TBC1D32: variants seen among roughly 807,000 people sequenced by gnomAD.
The protein encoded by TBC1D32 is TBC1 domain family member 32.
In TBC1D32, 151 loss-of-function variants were observed where a neutral mutation model predicts 170.3. The observed-to-expected ratio is 0.89, with a 90% CI of 0.78 to 1.01. TBC1D32 has a LOEUF of 1.01. TBC1D32 is among the 50% of genes least tolerant of loss of function. TBC1D32 has a pLI of 0.00. For missense variants in TBC1D32, 1,464 were observed against 1,457.1 expected, an observed-to-expected ratio of 1.00 and a Z score of -0.08; for synonymous variants, 498 against 488.0, an observed-to-expected ratio of 1.02 and a Z score of -0.27.
intron 11 of TBC1D32, among the ~76,000 whole-genome samples, chr6:121,292,921 G>T (rs1437860630): frequency 6.6e-6 from 1 of 152,122 alleles, no homozygotes; most frequent in Non-Finnish European, 1.5e-5. Context: ...GTTACGGAAC[G>T]CTGAAGAAAG....
intron 21 of TBC1D32, among the ~76,000 whole-genome samples, chr6:121,221,081 G>C (rs551619737): frequency 2.0e-4 from 31 of 152,328 alleles, no homozygotes; most frequent in East Asian, 1.5e-3. Flanking sequence ...AGCTAATGCA[G>C]ATGGTGACTT....
intron 21 of TBC1D32, among the ~76,000 whole-genome samples, chr6:121,222,947 G>A (rs1794682885): frequency 6.6e-6 from 1 of 152,112 alleles, no homozygotes; most frequent in South Asian, 2.1e-4. Context: ...AATGTAATGA[G>A]TCATCTAAAA....
In TBC1D32 at chr6:121,080,458, C is replaced by T; in HGVS notation, c.*313G>A. On this transcript the variant is annotated 3_prime_UTR_variant, in exon 32 of 32. Coordinates refer to ENST00000398212, the MANE Select transcript of TBC1D32 (RefSeq NM_152730.6). ...CTCGATCTCTTGACCTCGTGATCCG[C>T]CCACCTCAGACTCCCAAAGTGCTGG... 4.1e-6 allele frequency: 1 copy of T among 245,306 alleles called. No individual in the cohort carries two copies. Among genetic ancestry groups the T allele is most frequent in the South Asian group, 4.5e-5 (1 of 22,028 alleles). The allele number at this position is 245,306 out of a possible 1,614,324, so 15.2% of individuals were successfully genotyped here. A position where few individuals can be genotyped will look rare whatever the true frequency, so the allele number is the denominator to read the frequency against.
At chr6:121,233,367 T>C (rs146658774) in intron 20 of TBC1D32, among the ~76,000 whole-genome samples, 225 of 152,274 alleles carry the variant, frequency 1.5e-3, no homozygotes, top group African/African-American at 5.2e-3. Context: ...CTACTAGTAA[T>C]TGCTTTATAA....
At chr6:121,172,173 C>T (rs975308596) in intron 22 of TBC1D32, among the ~76,000 whole-genome samples, 6 of 152,082 alleles carry the variant, frequency 3.9e-5, no homozygotes, top group African/African-American at 1.2e-4. Context: ...ATGAGGCCTC[C>T]CCAGCCACGT....
In TBC1D32 at chr6:121,126,461, G is replaced by C. The variant is rs1000698328; in HGVS notation, c.2900C>G (p.Ala967Gly). The C allele has an allele frequency of 1.2e-6, 2 of 1,604,922 alleles. No individual in the cohort carries two copies. The highest frequency in any genetic ancestry group is 2.7e-5 in the African/African-American group (2 of 74,606). ...AAATTTTTCAAGTAATTCTATTAAG[G>C]CTGTAATAAACAAAGGAATAATTAG... ...KAKPDIISGE[A>G]LIELLEKFVL... Residue 967 changes from alanine to glycine, a missense_variant and splice_region_variant, in exon 26 of 32, where the codon GCC becomes GGC. By Grantham distance (60) the Ala-to-Gly change is moderately conservative (BLOSUM62 0). Around this residue, in one of 3 missense-constraint regions of TBC1D32, gnomAD observed 1,363 missense variants for 1,338.1 expected, o/e 1.02. Coordinates refer to ENST00000398212, the MANE Select transcript of TBC1D32 (RefSeq NM_152730.6).
intron 13 of TBC1D32, among the ~76,000 whole-genome samples, chr6:121,282,759 TGG>T (rs1803205846): frequency 6.6e-6 from 1 of 151,810 alleles, no homozygotes; most frequent in Non-Finnish European, 1.5e-5. Context: ...GTCCACATCA[TGG>T]TAAACCAATA....
chr6:121,220,259 A>C (rs1720141433), intron 21 of TBC1D32, among the ~76,000 whole-genome samples: 1 of 152,198 alleles, frequency 6.6e-6, no homozygotes. Context: ...GCAAAGAAAA[A>C]GTTCTTTAAG....
intron 12 of TBC1D32, among the ~76,000 whole-genome samples, chr6:121,285,869 G>A (rs1204616522): frequency 6.6e-6 from 1 of 152,188 alleles, no homozygotes; most frequent in African/African-American, 2.4e-5. Context: ...CTGATACCCA[G>A]GCAAACAGGG....
chr6:121,288,230 G>C (rs1335584569), intron 12 of TBC1D32, among the ~76,000 whole-genome samples: 1 of 152,038 alleles, frequency 6.6e-6, no homozygotes, highest in Non-Finnish European at 1.5e-5. Flanking sequence ...TTTTTGAAAA[G>C]ATCAACAAAA....
intron 3 of TBC1D32, among the ~76,000 whole-genome samples, chr6:121,313,141 TG>T (rs1808471430): frequency 6.7e-6 from 1 of 148,906 alleles, no homozygotes; most frequent in Admixed American, 6.7e-5. Context: ...TGTGTGTGTG[TG>T]TGTGTGTGTG....
At chr6:121,171,151 G>C (rs1381360931) in intron 22 of TBC1D32, among the ~76,000 whole-genome samples, 1 of 151,808 alleles carries the variant, frequency 6.6e-6, no homozygotes, top group Non-Finnish European at 1.5e-5. Flanking sequence ...CTCATTATCA[G>C]TTTACAGGAA....
At position 121,160,425 on chromosome 6, in the gene TBC1D32, G is replaced by C. The variant is rs185235967; in HGVS notation, c.2680-322C>G. ...TTGTAATCTTCAAAAGAAACCTGTG[G>C]TTTTTTCCACAAAACTTTTTCTCGT... On this transcript the variant is annotated intron_variant, in intron 23 of 31. Coordinates refer to ENST00000398212, the MANE Select transcript of TBC1D32 (RefSeq NM_152730.6). Among the ~76,000 whole-genome samples, 7 of 150,134 alleles carry C rather than the reference G, an allele frequency of 4.7e-5. No individual in the cohort carries two copies. The East Asian group carries it at 1.4e-3, about 30-fold the overall frequency.
At chr6:121,207,415 T>A (rs1792416233) in intron 21 of TBC1D32, among the ~76,000 whole-genome samples, 1 of 151,386 alleles carries the variant, frequency 6.6e-6, no homozygotes, top group African/African-American at 2.5e-5. Flanking sequence ...AATGATAGAC[T>A]GTATTACCAA....
chr6:121,283,931 G>A, intron 12 of TBC1D32, 21 bp from the exon 13 acceptor site: 1 of 1,499,890 alleles, frequency 6.7e-7, no homozygotes, highest in Non-Finnish European at 9.2e-7. Context: ...AAAATAAAGA[G>A]AAAATTAATT....
At chr6:121,208,581 C>T in intron 21 of TBC1D32, among the ~76,000 whole-genome samples, 1 of 151,762 alleles carries the variant, frequency 6.6e-6, no homozygotes, top group Non-Finnish European at 1.5e-5. Context: ...ACCATATCAT[C>T]CTGGATTACC....
chr6:121,098,504 G>A (rs1777674602), intron 30 of TBC1D32, among the ~76,000 whole-genome samples: 1 of 151,796 alleles, frequency 6.6e-6, no homozygotes, highest in Non-Finnish European at 1.5e-5. Flanking sequence ...ACACAATAAA[G>A]GTTAAAATTT....
intron 10 of TBC1D32, among the ~76,000 whole-genome samples, chr6:121,296,605 T>A (rs956860275): frequency 1.3e-5 from 2 of 152,120 alleles, no homozygotes; most frequent in African/African-American, 4.8e-5. Flanking sequence ...CTAAATAAAG[T>A]ATTTTGAGTC....
intron 21 of TBC1D32, among the ~76,000 whole-genome samples, chr6:121,209,827 A>G (rs1245754893): frequency 6.6e-6 from 1 of 152,208 alleles, no homozygotes; most frequent in African/African-American, 2.4e-5. Context: ...ACAGAGAGAC[A>G]GATGTAGACC....
Sources: allele counts gnomAD v4.1 joint callset (sites outside exome capture counted in the v4.1 genomes callset), GRCh38; gene constraint gnomAD v4.1.1; regional missense constraint gnomAD v4.1.1; transcripts MANE v1.5; gene names NCBI Gene and HGNC (gene_info 2026-07-23, HGNC 2026-07-21).